Variants in ST3GAL3 observed in about 807,000 individuals in gnomAD.
ST3GAL3 encodes CMP-N-acetylneuraminate-beta-1,4-galactoside alpha-2,3-sialyltransferase.
ST3GAL3 carries 21 observed loss-of-function variants against 50.1 expected under a neutral mutation model. The ratio of observed to expected loss-of-function variants is 0.42; its 90% CI spans 0.30 to 0.60. ST3GAL3 has a LOEUF of 0.60. Ranked by LOEUF, ST3GAL3 falls within the 20% of genes least tolerant of loss-of-function variation. The pLI, the probability that ST3GAL3 is intolerant of heterozygous loss-of-function variation, is 0.19. For synonymous variants in ST3GAL3, 183 were observed against 190.0 expected (o/e 0.96, Z 0.30); for missense variants, 353 against 489.4 (o/e 0.72, Z 2.63).
intron 2 of ST3GAL3, chr1:43,772,305 C>G (rs1324944101): frequency 3.1e-6 from 1 of 318,312 alleles, no homozygotes; most frequent in Non-Finnish European, 5.7e-6. Context: ...GCCTCAGCCT[C>G]CCAAAGTGCT....
chr1:43,766,838 G>C (rs1693231536), intron 2 of ST3GAL3, among the ~76,000 whole-genome samples: 1 of 152,154 alleles, frequency 6.6e-6, no homozygotes, highest in South Asian at 2.1e-4. Context: ...GGGAGGTTGT[G>C]TTCCTTTATT....
intron 9 of ST3GAL3, among the ~76,000 whole-genome samples, chr1:43,909,481 T>C (rs2080414092): frequency 6.6e-6 from 1 of 152,256 alleles, no homozygotes; most frequent in South Asian, 2.1e-4. Context: ...CCAAGCCGGC[T>C]CTTCTTTTTG....
chr1:43,826,114 C>A (rs2062763629), intron 4 of ST3GAL3, among the ~76,000 whole-genome samples: 4 of 150,512 alleles, frequency 2.7e-5, no homozygotes, highest in African/African-American at 7.3e-5. Flanking sequence ...AAAAAAAAAA[C>A]AAAATTAGCC....
chr1:43,911,662 G>GAT (rs2080933743), intron 9 of ST3GAL3, among the ~76,000 whole-genome samples: 1 of 145,284 alleles, frequency 6.9e-6, no homozygotes, highest in East Asian at 2.0e-4. Context: ...TGTAGCTATA[G>GAT]ATATCTATAG....
intron 1 of ST3GAL3, among the ~76,000 whole-genome samples, chr1:43,727,742 T>G (rs12736515): frequency 1.5e-3 from 225 of 152,298 alleles, no homozygotes; most frequent in Non-Finnish European, 2.5e-3. Flanking sequence ...CCTCATCCCT[T>G]CCCCAAACTT....
intron 2 of ST3GAL3, among the ~76,000 whole-genome samples, chr1:43,774,443 G>A (rs1156352857): frequency 6.6e-6 from 1 of 152,156 alleles, no homozygotes; most frequent in East Asian, 1.9e-4. Flanking sequence ...ATCACTGAGG[G>A]AGCTCCACTC....
At chr1:43,876,530 G>T (rs947403835) in intron 5 of ST3GAL3, among the ~76,000 whole-genome samples, 8 of 152,206 alleles carry the variant, frequency 5.3e-5, no homozygotes, top group Non-Finnish European at 1.0e-4. Context: ...GGCAGGAAAG[G>T]CTAGAGATTT....
At chr1:43,929,870 G>A in intron 11 of ST3GAL3, 1 of 530,630 alleles carries the variant, frequency 1.9e-6, no homozygotes, top group Non-Finnish European at 3.5e-6. Context: ...GGGAGGTTGG[G>A]AAGCTTAACG....
Position 43,838,262 on chromosome 1 carries a change from G to C in ST3GAL3, c.253G>C (p.Ala85Pro). Residue 85 changes from alanine to proline, a missense_variant, in exon 5 of 12, where the codon GCT becomes CCT. Transcript: ENST00000347631. ...CAAGTACGCAAACTTTTCAGAGGGA[G>C]CTTGCAAGCCTGGCTATGCTTCAGC... ...ATKYANFSEG[A>P]CKPGYASALM... is the part of the protein sequence containing the mutation. The C allele has an allele frequency of 6.2e-7, 1 of 1,614,054 alleles. No homozygotes were observed. The highest frequency in any genetic ancestry group is 8.5e-7 in the Non-Finnish European group (1 of 1,179,984).
At chr1:43,917,725 G>A (rs538323448) in intron 9 of ST3GAL3, among the ~76,000 whole-genome samples, 1 of 134,424 alleles carries the variant, frequency 7.4e-6, no homozygotes, top group Non-Finnish European at 1.5e-5. Context: ...CTGGAGTACA[G>A]TGGTGCCATC....
chr1:43,812,836 A>T (rs1170021853), intron 3 of ST3GAL3, among the ~76,000 whole-genome samples: 1 of 152,100 alleles, frequency 6.6e-6, no homozygotes, highest in Non-Finnish European at 1.5e-5. Context: ...GACTTGCTTT[A>T]GAAATGCAGA....
chr1:43,865,814 T>C (rs2071188274), intron 5 of ST3GAL3, among the ~76,000 whole-genome samples: 1 of 152,246 alleles, frequency 6.6e-6, no homozygotes, highest in Non-Finnish European at 1.5e-5. Context: ...AAGAAGACCT[T>C]TTCATTGGTT....
intron 2 of ST3GAL3, among the ~76,000 whole-genome samples, chr1:43,785,005 T>G (rs915296279): frequency 3.9e-5 from 6 of 152,364 alleles, no homozygotes; most frequent in Admixed American, 6.5e-5. Flanking sequence ...TTAATGATGA[T>G]GTTTTTTCTC....
chr1:43,879,335 T>A (rs1030685705), intron 5 of ST3GAL3: 1 of 456,000 alleles, frequency 2.2e-6, no homozygotes, highest in African/African-American at 2.0e-5. Flanking sequence ...TTGGAGACAG[T>A]GAGAAGGTTC....
chr1:43,765,810 T>TGCGCGCGCGCGCGTCCGCGCGC (rs1692666626), intron 2 of ST3GAL3, among the ~76,000 whole-genome samples: 1 of 146,476 alleles, frequency 6.8e-6, no homozygotes, highest in African/African-American at 2.7e-5. Flanking sequence ...CGTCCGCGCG[T>TGCGCGCGCGCGCGTCCGCGCGC]CCGCGTGCGC....
intron 1 of ST3GAL3, 38 bp from the exon 2 acceptor site, chr1:43,736,195 T>A: frequency 1.3e-6 from 2 of 1,559,046 alleles, no homozygotes; most frequent in Non-Finnish European, 1.8e-6. Flanking sequence ...ATAAGATGAG[T>A]GCTTTGTCTT....
chr1:43,736,437 G>A (rs1401710925), intron 2 of ST3GAL3, 57 bp downstream of exon 2: 3 of 1,613,984 alleles, frequency 1.9e-6, no homozygotes, highest in East Asian at 4.5e-5. Flanking sequence ...TCAGTTACTG[G>A]TTTTTCGTGT....
chr1:43,802,096 A>G (rs998358315), intron 3 of ST3GAL3, among the ~76,000 whole-genome samples: 7 of 152,348 alleles, frequency 4.6e-5, no homozygotes, highest in Middle Eastern at 6.8e-3. Flanking sequence ...TTGCTATACC[A>G]TAAAAATCTT....
chr1:43,904,190 G>T (rs1212567496), intron 9 of ST3GAL3, among the ~76,000 whole-genome samples: 2 of 152,104 alleles, frequency 1.3e-5, no homozygotes, highest in East Asian at 3.9e-4. Flanking sequence ...AGCAGGGCTG[G>T]ACCGTAGGGC....
Sources: gnomAD v4.1 joint callset for allele counts (sites outside exome capture counted in the v4.1 genomes callset) on GRCh38, gnomAD v4.1.1 for gene constraint, MANE v1.5 for transcripts, NCBI Gene and HGNC (gene_info 2026-07-23, HGNC 2026-07-21) for gene names.